The following DACT1 variants were observed in gnomAD, a reference collection of about 807,000 sequenced individuals.
DACT1 encodes the protein dishevelled binding antagonist of beta catenin 1.
In DACT1, 19 loss-of-function variants were observed where a neutral mutation model predicts 35.3. That is an observed-to-expected ratio of 0.54 (90% CI 0.38 to 0.79). The LOEUF (loss-of-function observed/expected upper bound fraction) is 0.79. Among genes scored for constraint, DACT1 ranks in the 30% least tolerant of loss-of-function variants. DACT1 has a pLI of 0.00. For synonymous variants in DACT1, 545 were observed against 466.7 expected (o/e 1.17, Z -2.16); for missense variants, 1,143 against 1,057.5 (o/e 1.08, Z -1.12).
In DACT1 at chr14:58,646,338, G is replaced by A; in HGVS notation, c.1604G>A (p.Gly535Asp). Reference sequence around the variant, plus strand: ...CAGCCCAGTGTCAGGCTCCACCGGGGCCACAGGAACATGGGCGTCGTGAAG... The same window carrying A: ...CAGCCCAGTGTCAGGCTCCACCGGGACCACAGGAACATGGGCGTCGTGAAG... ...GQQPSVRLHR[G>D]HRNMGVVKNS... Residue 535 changes from glycine to aspartate, a missense_variant, in exon 4 of 4, where the codon GGC (glycine) becomes GAC (aspartate). Transcript: ENST00000395153. 1 of 1,608,694 alleles carries A rather than the reference G, an allele frequency of 6.2e-7. No individual in the cohort carries two copies. Among genetic ancestry groups the A allele is most frequent in the Non-Finnish European group, 8.5e-7 (1 of 1,178,734 alleles).
Position 58,646,017 on chromosome 14 carries a change from G to T in DACT1, c.1283G>T (p.Arg428Leu). The change falls in exon 4 of 4, where the codon CGG becomes CTG. Residue 428 changes from arginine to leucine, a missense_variant. Transcript: ENST00000395153. ...AAGCCAGCCTCGCAAGAACATGCTC[G>T]GTGTTCCGCCATTGGGACAGGGGAG... ...TAKPASQEHA[R>L]CSAIGTGESP... 6.2e-7 allele frequency: 1 copy of T among 1,614,100 alleles called. No individual in the cohort carries two copies. Among genetic ancestry groups the T allele is most frequent in the Non-Finnish European group, 8.5e-7 (1 of 1,180,038 alleles).
At chr14:58,637,379 T>C (rs141022488), upstream of DACT1, among the ~76,000 whole-genome samples, 2 of 152,388 alleles carry the variant, frequency 1.3e-5, no homozygotes, top group Non-Finnish European at 2.9e-5. Flanking sequence ...ACTTAAGTTT[T>C]AGAACACTGC....
intron 3 of DACT1, among the ~76,000 whole-genome samples, chr14:58,644,108 A>G (rs2047651672): frequency 6.6e-6 from 1 of 152,204 alleles, no homozygotes; most frequent in Non-Finnish European, 1.5e-5. Context: ...ATTTTCTCTG[A>G]TAACTGAAGG....
rs761489904 is a variant in DACT1 at position 58,640,852 on chromosome 14, C to G, written c.462C>G (p.Asp154Glu). 43 of 1,614,024 alleles carry G rather than the reference C, an allele frequency of 2.7e-5. No homozygotes were observed. The highest frequency in any genetic ancestry group is 3.6e-5 in the Non-Finnish European group (42 of 1,180,022). Reference sequence around the variant, plus strand: ...CATCTGAAGAGCACCTGGAGACAGACAGTCGGCCTAGCTCAGGTGAGTGAT... The same window carrying G: ...CATCTGAAGAGCACCTGGAGACAGAGAGTCGGCCTAGCTCAGGTGAGTGAT... Reference protein sequence around the residue: ...EKTSEEHLETDSRPSSGFYEL... With the variant: ...EKTSEEHLETESRPSSGFYEL... Residue 154 changes from aspartate to glutamate, a missense_variant, in exon 2 of 4, where the codon GAC (aspartate) becomes GAG (glutamate). Asp to Glu is a conservative substitution (Grantham distance 45). Transcript: ENST00000395153.
In DACT1 at chr14:58,640,632, G is replaced by A. The variant is rs1310520424; in HGVS notation, c.346-104G>A. 15 of 1,422,510 alleles carry A rather than the reference G, an allele frequency of 1.1e-5. No individual in the cohort carries two copies. In the Admixed American group the frequency reaches 3.2e-4, roughly 30 times the overall value. 88.1% of individuals were successfully genotyped at this position (1,422,510 alleles called of 1,614,324 possible). A position where few individuals can be genotyped will look rare whatever the true frequency, so the allele number is the denominator to read the frequency against. The stretch of plus-strand genomic sequence containing the variant: ...ATCCAGTAAAATTTTGGTTTTCTAA[G>A]TTTAGTGAACTCTTCAGATGGGTAA... On this transcript the variant is annotated intron_variant, in intron 1 of 3. Coordinates refer to ENST00000395153, the MANE Select transcript of DACT1 (RefSeq NM_001079520.2).
chr14:58,645,207 C>G (rs1257954729), intron 3 of DACT1, 162 bp from the exon 4 acceptor site: 3 of 1,478,214 alleles, frequency 2.0e-6, no homozygotes, highest in Non-Finnish European at 9.4e-7. Context: ...AAGAGTCAAG[C>G]TGGTGCTGAC....
chr14:58,634,560 C>T (rs566757224), upstream of DACT1, among the ~76,000 whole-genome samples: 2 of 152,246 alleles, frequency 1.3e-5, no homozygotes, highest in African/African-American at 4.8e-5. Context: ...GGCTTTGATC[C>T]CAGACCCTCG....
At chr14:58,637,784 G>A (rs12894789), upstream of DACT1, among the ~76,000 whole-genome samples, 2 of 151,420 alleles carry the variant, frequency 1.3e-5, no homozygotes, top group Non-Finnish European at 3.0e-5. Flanking sequence ...GGGGAGGGGC[G>A]AGGAGGGGCG....
chr14:58,643,327 T>A lies in DACT1; in HGVS notation c.634+1580T>A, dbSNP rs890245480. Reference sequence around the variant, plus strand: ...TGAATTCTTATAAGAGTAGAGAAAATATGAAGATTAGAATTGCTCTGGGTC... The same window carrying A: ...TGAATTCTTATAAGAGTAGAGAAAAAATGAAGATTAGAATTGCTCTGGGTC... On this transcript the variant is annotated intron_variant, in intron 3 of 3. Transcript: ENST00000395153. 3.3e-5 allele frequency among the ~76,000 whole-genome samples: 5 copies of A among 152,292 alleles called. No homozygotes were observed. In the East Asian group the frequency reaches 9.6e-4, roughly 29 times the overall value.
chr14:58,635,203 G>C (rs148419855), upstream of DACT1, among the ~76,000 whole-genome samples: 64 of 152,340 alleles, frequency 4.2e-4, 1 homozygote, highest in East Asian at 9.1e-3. Flanking sequence ...GTGAGATTCC[G>C]TTGGCAACAG....
Position 58,646,527 on chromosome 14 carries a change from G to C in DACT1, c.1793G>C (p.Gly598Ala). Reference protein sequence around the residue: ...KKASSKGRKSGGGPEAGVPGR... With the variant: ...KKASSKGRKSAGGPEAGVPGR... The stretch of plus-strand genomic sequence containing the variant: ...GCCTCCTCCAAGGGGAGGAAGAGTG[G>C]GGGCGGGCCCGAGGCTGGTGTTCCC... Residue 598 changes from glycine to alanine, a missense_variant, in exon 4 of 4, where the codon GGG (glycine) becomes GCG (alanine). Transcript: ENST00000395153. 1 of 1,555,998 alleles carries C rather than the reference G, an allele frequency of 6.4e-7. No individual in the cohort carries two copies.
upstream of DACT1, among the ~76,000 whole-genome samples, chr14:58,634,513 T>G (rs2047561572): frequency 6.6e-6 from 1 of 152,248 alleles, no homozygotes; most frequent in African/African-American, 2.4e-5. Flanking sequence ...GTGGCTTTTT[T>G]GGCATTAGAC....
At chr14:58,643,519 G>C (rs114187373) in intron 3 of DACT1, among the ~76,000 whole-genome samples, 1 of 152,298 alleles carries the variant, frequency 6.6e-6, no homozygotes, top group African/African-American at 2.4e-5. Context: ...AGGAAGCACA[G>C]AACTGTGTTA....
In DACT1 at chr14:58,641,653, C is replaced by T. The variant is rs775719546; in HGVS notation, c.540C>T (p.Phe180=). ...GSLSNSSNSV[F]SECLSSCHSS... ...TTTCCAATTCCTCTAACTCGGTGTTCAGTGAGTGTTTATCCAGTTGTCATT... is the reference window on the plus strand; with the variant it reads ...TTTCCAATTCCTCTAACTCGGTGTTTAGTGAGTGTTTATCCAGTTGTCATT... The change falls in exon 3 of 4, where the codon TTC becomes TTT. Residue 180 remains phenylalanine (F), a synonymous_variant. Coordinates refer to ENST00000395153, the MANE Select transcript of DACT1 (RefSeq NM_001079520.2). 3.1e-6 allele frequency: 5 copies of T among 1,614,084 alleles called. No homozygotes were observed. Among genetic ancestry groups the T allele is most frequent in the Admixed American group, 1.7e-5 (1 of 60,004 alleles).
chr14:58,643,346 C>G (rs2047645083), intron 3 of DACT1, among the ~76,000 whole-genome samples: 1 of 152,166 alleles, frequency 6.6e-6, no homozygotes, highest in African/African-American at 2.4e-5. Flanking sequence ...TAGAATTGCT[C>G]TGGGTCCTGG....
chr14:58,635,658 G>A (rs2047568188), upstream of DACT1, among the ~76,000 whole-genome samples: 1 of 141,390 alleles, frequency 7.1e-6, no homozygotes, highest in Non-Finnish European at 1.5e-5. Context: ...TTGGACTAAT[G>A]AGCCAGCTCA....
In DACT1 at chr14:58,647,094, G is replaced by A. The variant is rs770244112; in HGVS notation, c.2360G>A (p.Arg787His). 18 of 1,614,086 alleles carry A rather than the reference G, an allele frequency of 1.1e-5. No individual in the cohort carries two copies. Among genetic ancestry groups the A allele is most frequent in the East Asian group, 6.7e-5 (3 of 44,884 alleles). The change falls in exon 4 of 4, where the codon CGC becomes CAC. Residue 787 changes from arginine to histidine, a missense_variant. Physicochemically the swap from Arg to His is conservative, Grantham distance 29. Coordinates refer to ENST00000395153, the MANE Select transcript of DACT1 (RefSeq NM_001079520.2). ...ASHNLKKKIL[R>H]FRSGSLKLMT... is the part of the protein sequence containing the mutation. ...CATAACCTCAAGAAGAAGATCCTCC[G>A]CTTTCGGTCTGGCTCTTTGAAACTG...
In DACT1 at chr14:58,640,874, T is replaced by C; in HGVS notation, c.478+6T>C. ...AGACAGTCGGCCTAGCTCAGGTGAG[T>C]GATTGAGCACAAGGACAGAATTCTG... On this transcript the variant is annotated splice_donor_region_variant and intron_variant, in intron 2 of 3. Coordinates refer to ENST00000395153, the MANE Select transcript of DACT1 (RefSeq NM_001079520.2). The C allele has an allele frequency of 6.2e-7, 1 of 1,613,948 alleles. No homozygotes were observed. The highest frequency in any genetic ancestry group is 2.2e-5 in the East Asian group (1 of 44,862).
upstream of DACT1, chr14:58,634,079 C>G (rs1329271354): frequency 1.3e-5 from 2 of 152,212 alleles, no homozygotes; most frequent in Admixed American, 1.3e-4. Flanking sequence ...CAGTGCTCTG[C>G]AGGAGGAAGC....
Sources: allele counts gnomAD v4.1 joint callset (sites outside exome capture counted in the v4.1 genomes callset), GRCh38; gene constraint gnomAD v4.1.1; transcripts MANE v1.5; gene names NCBI Gene and HGNC (gene_info 2026-07-23, HGNC 2026-07-21).